Variants in ASAH2 observed in about 807,000 individuals in gnomAD.
The protein encoded by ASAH2 is N-acylsphingosine amidohydrolase 2, also known as neutral ceramidase.
A neutral mutation model predicts 82.9 loss-of-function variants in ASAH2; 58 were observed. That is an observed-to-expected ratio of 0.70 (90% confidence interval 0.57 to 0.87). ASAH2 has a LOEUF of 0.87. Among genes scored for constraint, ASAH2 ranks in the 40% least tolerant of loss-of-function variants. The pLI is 0.00. For missense variants in ASAH2, 779 were observed against 834.0 expected, an observed-to-expected ratio of 0.93 and a Z score of 0.81; for synonymous variants, 276 against 289.7, an observed-to-expected ratio of 0.95 and a Z score of 0.48.
intron 4 of ASAH2, among the ~76,000 whole-genome samples, chr10:50,239,804 A>G (rs1295148721): frequency 1.4e-5 from 2 of 146,188 alleles, no homozygotes; most frequent in Non-Finnish European, 3.0e-5. Context: ...TTTTATGTCT[A>G]TTCATCTCCA....
chr10:50,231,423 C>T (rs947585811), intron 7 of ASAH2, among the ~76,000 whole-genome samples: 1 of 152,094 alleles, frequency 6.6e-6, no homozygotes, highest in Non-Finnish European at 1.5e-5. Flanking sequence ...TCAGGAAAAA[C>T]TCAGGGCTAC....
intron 16 of ASAH2, 151 bp downstream of exon 16, chr10:50,202,678 C>T: frequency 1.5e-6 from 1 of 685,866 alleles, no homozygotes; most frequent in Non-Finnish European, 2.7e-6. Flanking sequence ...TAAATACGGC[C>T]TCTGGCTTAT....
At chr10:50,230,297 G>T (rs1845989538) in intron 7 of ASAH2, among the ~76,000 whole-genome samples, 1 of 152,262 alleles carries the variant, frequency 6.6e-6, no homozygotes, top group South Asian at 2.1e-4. Flanking sequence ...GTGATGCTGG[G>T]CAGGTCACAT....
chr10:50,186,107 G>A lies in ASAH2; in HGVS notation c.*1208C>T, dbSNP rs1844739553. 7.8e-6 allele frequency: 1 copy of A among 128,782 alleles called. No homozygotes were observed. Among genetic ancestry groups the A allele is most frequent in the Admixed American group, 7.7e-5 (1 of 12,948 alleles). 8.0% of individuals were successfully genotyped at this position (128,782 alleles called of 1,614,324 possible). On this transcript the variant is annotated 3_prime_UTR_variant, in exon 21 of 21. Transcript: ENST00000682911. ...CAAAATAGTATTTAGCAAACTGTCT[G>A]GAGCCTCTTTCCCCCCAAATTAGAG... is the stretch of plus-strand genomic sequence containing the variant.
At chr10:50,225,605 C>A (rs35404938) in intron 7 of ASAH2, among the ~76,000 whole-genome samples, 31,817 of 151,966 alleles carry the variant, frequency 0.21, 4,227 homozygotes, top group East Asian at 0.41. Context: ...AAAGCATGGT[C>A]ATACTAAGAT....
At chr10:50,245,142 T>C in intron 3 of ASAH2, 80 bp downstream of exon 3, 1 of 1,170,496 alleles carries the variant, frequency 8.5e-7, no homozygotes, top group East Asian at 2.4e-5. Flanking sequence ...GATGTTGTAA[T>C]AATCAGAAAT....
At chr10:50,196,479 G>T (rs1229114022) in intron 18 of ASAH2, among the ~76,000 whole-genome samples, 1 of 149,166 alleles carries the variant, frequency 6.7e-6, no homozygotes, top group Non-Finnish European at 1.5e-5. Context: ...CTTCATTTCT[G>T]TATGTTTTTC....
At chr10:50,214,196 G>A (rs895134572) in intron 9 of ASAH2, among the ~76,000 whole-genome samples, 1 of 152,110 alleles carries the variant, frequency 6.6e-6, no homozygotes, top group African/African-American at 2.4e-5. Context: ...AAATACATAG[G>A]AGGAGGTATG....
intron 4 of ASAH2, 74 bp from the exon 5 acceptor site, chr10:50,236,138 G>C: frequency 7.7e-7 from 1 of 1,293,428 alleles, no homozygotes; most frequent in East Asian, 2.3e-5. Flanking sequence ...GCTTTGATGA[G>C]TTCAATCACT....
intron 5 of ASAH2, among the ~76,000 whole-genome samples, chr10:50,235,566 T>C (rs1445376973): frequency 6.6e-6 from 1 of 152,136 alleles, no homozygotes; most frequent in African/African-American, 2.4e-5. Context: ...TGGGTTTCTC[T>C]TTGTGTGACT....
chr10:50,237,449 G>T, intron 4 of ASAH2, among the ~76,000 whole-genome samples: 1 of 152,166 alleles, frequency 6.6e-6, no homozygotes, highest in East Asian at 1.9e-4. Context: ...GATTACATAT[G>T]ACTTGTTCTA....
chr10:50,222,482 G>A (rs1845775614), intron 7 of ASAH2, among the ~76,000 whole-genome samples: 1 of 152,076 alleles, frequency 6.6e-6, no homozygotes, highest in South Asian at 2.1e-4. Flanking sequence ...GTCTCACTAT[G>A]TTGCCCAGGC....
intron 1 of ASAH2, among the ~76,000 whole-genome samples, chr10:50,250,376 A>C (rs988437591): frequency 6.6e-6 from 1 of 152,180 alleles, no homozygotes; most frequent in African/African-American, 2.4e-5. Flanking sequence ...GTTATTGGGA[A>C]GCTTTCCTCA....
At chr10:50,231,855 A>C (rs956127348) in intron 7 of ASAH2, among the ~76,000 whole-genome samples, 2 of 152,168 alleles carry the variant, frequency 1.3e-5, no homozygotes, top group Non-Finnish European at 2.9e-5. Flanking sequence ...TATGTTTTCT[A>C]TTCCTTTTTA....
intron 8 of ASAH2, 141 bp from the exon 9 acceptor site, chr10:50,215,009 T>C: frequency 9.1e-7 from 1 of 1,095,584 alleles, no homozygotes; most frequent in East Asian, 2.6e-5. Context: ...TAAAATATTC[T>C]GTAGGTTGCC....
intron 4 of ASAH2, among the ~76,000 whole-genome samples, chr10:50,241,706 G>A (rs146078683): frequency 6.7e-4 from 102 of 152,226 alleles, no homozygotes; most frequent in Middle Eastern, 3.4e-3. Context: ...ATACTATACA[G>A]CCATAAAAAA....
At chr10:50,199,869 AAGGTACAAATAGATT>A (rs1483976864) in intron 16 of ASAH2, among the ~76,000 whole-genome samples, 20 of 151,750 alleles carry the variant, frequency 1.3e-4, no homozygotes, top group African/African-American at 4.8e-4. Flanking sequence ...ACTTTCTCCT[AAGGTACAAATAGATT>A]TCACCTTAGT....
At chr10:50,236,286 T>C (rs1008831362) in intron 4 of ASAH2, among the ~76,000 whole-genome samples, 86 of 152,244 alleles carry the variant, frequency 5.6e-4, no homozygotes, top group African/African-American at 1.8e-3. Context: ...AGGAAACTTA[T>C]AATCATGGCA....
chr10:50,224,649 A>G (rs1845834878), intron 7 of ASAH2, among the ~76,000 whole-genome samples: 2 of 152,180 alleles, frequency 1.3e-5, no homozygotes, highest in Admixed American at 1.3e-4. Flanking sequence ...CCCAATCTTC[A>G]CTAGACTTTC....
Sources: gnomAD v4.1 joint callset for allele counts (sites outside exome capture counted in the v4.1 genomes callset) on GRCh38, gnomAD v4.1.1 for gene constraint, MANE v1.5 for transcripts, NCBI Gene and HGNC (gene_info 2026-07-23, HGNC 2026-07-21) for gene names.